The following NBAS variants were observed in gnomAD, a reference collection of about 807,000 sequenced individuals.
The protein encoded by NBAS is NBAS subunit of NRZ tethering complex.
NBAS carries 219 observed loss-of-function variants against 302.5 expected under a neutral mutation model. The observed-to-expected ratio is 0.72, with a 90% CI of 0.65 to 0.81. The LOEUF (loss-of-function observed/expected upper bound fraction) is 0.81. NBAS is among the 30% of genes least tolerant of loss of function. The pLI, the probability that NBAS is intolerant of heterozygous loss-of-function variation, is 0.00. For synonymous variants in NBAS, 1,118 were observed against 1,021.6 expected, an observed-to-expected ratio of 1.09 and a Z score of -1.80; for missense variants, 2,932 against 2,841.6, an observed-to-expected ratio of 1.03 and a Z score of -0.72.
At position 15,352,134 on chromosome 2, in the gene NBAS, C is replaced by A; in HGVS notation, c.4090-53G>T. On this transcript the variant is annotated intron_variant, in intron 34 of 51. Transcript: ENST00000281513. ...AGGAGTTACGTTTTTAAATTTGCTT[C>A]TCATCACAATATAGGCTTGAAATTT... 8 of 1,271,796 alleles carry A rather than the reference C, an allele frequency of 6.3e-6. No individual in the cohort carries two copies. In the South Asian group the frequency reaches 9.6e-5, roughly 15 times the overall value. 78.8% of individuals were successfully genotyped at this position (1,271,796 alleles called of 1,614,324 possible). A position where few individuals can be genotyped will look rare whatever the true frequency, so the allele number is the denominator to read the frequency against.
At chr2:15,485,548 T>C (rs1680588083) in intron 12 of NBAS, among the ~76,000 whole-genome samples, 1 of 152,236 alleles carries the variant, frequency 6.6e-6, no homozygotes, top group Non-Finnish European at 1.5e-5. Context: ...AAATCTCAGC[T>C]CTATTGCTTA....
At chr2:15,457,107 C>G (rs1679281028) in intron 21 of NBAS, among the ~76,000 whole-genome samples, 1 of 152,094 alleles carries the variant, frequency 6.6e-6, no homozygotes, top group Non-Finnish European at 1.5e-5. Flanking sequence ...CAAGGAACAG[C>G]CAGAGGCCTG....
the NBAS span, among the ~76,000 whole-genome samples, chr2:14,979,064 T>C: frequency 6.5e-3 from 986 of 152,328 alleles, 15 homozygotes; most frequent in Admixed American, 0.044. Flanking sequence ...TGTTTATCTG[T>C]CTATAAATTT....
At chr2:15,360,649 C>CTTT (rs369254532) in intron 32 of NBAS, among the ~76,000 whole-genome samples, 2,676 of 123,134 alleles carry the variant, frequency 0.022, 67 homozygotes, top group East Asian at 0.057. Context: ...CATGACCAGC[C>CTTT]TTTTTTTTTT....
chr2:15,461,791 C>G lies in NBAS; in HGVS notation c.2098G>C (p.Glu700Gln), dbSNP rs761807786. Reference sequence around the variant, plus strand: ...GATGCATGAGGCACTCCTAGGATTTCCTGAGGGGAAATTTAATGAAAAGTG... The same window carrying G: ...GATGCATGAGGCACTCCTAGGATTTGCTGAGGGGAAATTTAATGAAAAGTG... ...TYLDRLATYE[E>Q]ILGVPHASEQ... Residue 700 changes from glutamate (E) to glutamine (Q), a missense_variant and splice_region_variant, in exon 20 of 52, where the codon GAA becomes CAA. Transcript: ENST00000281513. The G allele has an allele frequency of 3.2e-6, 5 of 1,549,442 alleles. No individual in the cohort carries two copies. Among genetic ancestry groups the G allele is most frequent in the South Asian group, 1.1e-5 (1 of 89,084 alleles).
chr2:14,965,454 G>A, the NBAS span, among the ~76,000 whole-genome samples: 44 of 152,236 alleles, frequency 2.9e-4, no homozygotes, highest in Admixed American at 1.5e-3. Flanking sequence ...TGAAAGACAC[G>A]CACTATCAAA....
chr2:14,783,787 G>A, the NBAS span, among the ~76,000 whole-genome samples: 6 of 152,068 alleles, frequency 3.9e-5, no homozygotes, highest in African/African-American at 1.4e-4. Context: ...ACATATGTGT[G>A]CATATGTCTT....
At chr2:14,960,734 G>A in the NBAS span, among the ~76,000 whole-genome samples, 3 of 152,118 alleles carry the variant, frequency 2.0e-5, no homozygotes, top group South Asian at 2.1e-4. Flanking sequence ...TCTAAATGCC[G>A]AGTTGTTTTA....
the NBAS span, among the ~76,000 whole-genome samples, chr2:14,930,654 C>A: frequency 6.6e-6 from 1 of 152,312 alleles, no homozygotes; most frequent in African/African-American, 2.4e-5. Flanking sequence ...ATGCCCATGG[C>A]TTCTGAGTGG....
chr2:15,148,714 T>C, the NBAS span, among the ~76,000 whole-genome samples: 1 of 152,190 alleles, frequency 6.6e-6, no homozygotes, highest in Non-Finnish European at 1.5e-5. Context: ...GAGCATTAAT[T>C]AATATCGCAA....
chr2:15,119,396 C>T, the NBAS span, among the ~76,000 whole-genome samples: 48 of 151,182 alleles, frequency 3.2e-4, no homozygotes, highest in African/African-American at 1.2e-3. Flanking sequence ...GCAACCTCCA[C>T]CTCCCGAGTT....
chr2:15,296,293 C>T (rs1243423018), intron 40 of NBAS, among the ~76,000 whole-genome samples: 1 of 152,144 alleles, frequency 6.6e-6, no homozygotes, highest in Non-Finnish European at 1.5e-5. Flanking sequence ...AAACCCAACA[C>T]TTTGGGAGGC....
At chr2:15,357,830 T>C (rs576162853) in intron 32 of NBAS, among the ~76,000 whole-genome samples, 1 of 152,300 alleles carries the variant, frequency 6.6e-6, no homozygotes, top group South Asian at 2.1e-4. Context: ...AAGCATTTTT[T>C]CTTTTGTCTT....
chr2:14,869,997 G>A, the NBAS span, among the ~76,000 whole-genome samples: 1 of 152,060 alleles, frequency 6.6e-6, no homozygotes, highest in African/African-American at 2.4e-5. Context: ...AACAAAAACT[G>A]GGTTTACTTT....
intron 6 of NBAS, among the ~76,000 whole-genome samples, chr2:15,548,786 A>G (rs931735869): frequency 1.3e-5 from 2 of 151,940 alleles, no homozygotes; most frequent in African/African-American, 4.8e-5. Context: ...TGCTTGATCT[A>G]AAATATACAA....
At chr2:15,414,940 G>A (rs897185109) in intron 25 of NBAS, among the ~76,000 whole-genome samples, 3 of 151,974 alleles carry the variant, frequency 2.0e-5, no homozygotes, top group African/African-American at 7.2e-5. Flanking sequence ...GCGAGACTCT[G>A]TCTCAAAAAA....
At chr2:15,224,009 C>A (rs1225571652) in intron 47 of NBAS, among the ~76,000 whole-genome samples, 1 of 152,250 alleles carries the variant, frequency 6.6e-6, no homozygotes, top group East Asian at 1.9e-4. Flanking sequence ...AGGAAACACA[C>A]TCAGAATCAG....
chr2:14,789,908 A>C, the NBAS span, among the ~76,000 whole-genome samples: 263 of 152,368 alleles, frequency 1.7e-3, no homozygotes, highest in African/African-American at 6.1e-3. Context: ...AACTGGACCT[A>C]ATGCGGGAAT....
At chr2:15,365,988 T>C (rs1385664405) in intron 32 of NBAS, among the ~76,000 whole-genome samples, 11 of 152,226 alleles carry the variant, frequency 7.2e-5, no homozygotes. Context: ...TATTTAACCC[T>C]GCTGGGCAAA....
Sources: allele counts gnomAD v4.1 joint callset (sites outside exome capture counted in the v4.1 genomes callset), GRCh38; gene constraint gnomAD v4.1.1; transcripts MANE v1.5; gene names NCBI Gene and HGNC (gene_info 2026-07-23, HGNC 2026-07-21).